SDK2: variants seen among roughly 807,000 people sequenced by gnomAD.
The protein encoded by SDK2 is sidekick cell adhesion molecule 2, also known as protein sidekick-2.
SDK2 carries 105 observed loss-of-function variants against 253.9 expected under a neutral mutation model. The observed-to-expected ratio is 0.41, with a 90% CI of 0.35 to 0.49. SDK2 has a LOEUF of 0.49. Among genes scored for constraint, SDK2 ranks in the 20% least tolerant of loss-of-function variants. SDK2 has a pLI of 0.06. For synonymous variants in SDK2, 1,249 were observed against 1,234.9 expected (o/e 1.01, Z -0.24); for missense variants, 2,608 against 3,003.0 (o/e 0.87, Z 3.07).
chr17:73,625,329 C>A (rs1033182596), intron 1 of SDK2, among the ~76,000 whole-genome samples: 4 of 152,246 alleles, frequency 2.6e-5, no homozygotes, highest in Admixed American at 6.5e-5. Context: ...TCTTCTACCT[C>A]ACCCTTGTCG....
intron 24 of SDK2, among the ~76,000 whole-genome samples, chr17:73,397,617 C>T (rs2062982282): frequency 1.3e-5 from 2 of 152,218 alleles, no homozygotes; most frequent in African/African-American, 2.4e-5. Flanking sequence ...CCTCAACACA[C>T]AGCCCGGATC....
Position 73,352,149 on chromosome 17 carries a change from T to C in SDK2, c.5758+324A>G, listed in dbSNP as rs1169248337. ...GAGGTTTCCATGGAAAGATAGTTTA[T>C]GGCCTGGTGCCCATGAATGTCCTGG... is the stretch of plus-strand genomic sequence containing the variant. On this transcript the variant is annotated intron_variant, in intron 41 of 44. Coordinates refer to ENST00000392650, the MANE Select transcript of SDK2 (RefSeq NM_001144952.2). The surrounding 1 kb of genome is among the most constrained non-coding windows in gnomAD (Gnocchi z 4.1). Among the ~76,000 whole-genome samples the C allele has an allele frequency of 6.6e-6, 1 of 152,126 alleles. No individual in the cohort carries two copies. Among genetic ancestry groups the C allele is most frequent in the Non-Finnish European group, 1.5e-5 (1 of 68,012 alleles).
intron 1 of SDK2, among the ~76,000 whole-genome samples, chr17:73,516,338 C>T (rs948789560): frequency 6.6e-6 from 1 of 152,168 alleles, no homozygotes; most frequent in South Asian, 2.1e-4. Flanking sequence ...TGGCCCTGTT[C>T]GGCCCCTGCC....
chr17:73,453,842 T>TA (rs1243251526), intron 4 of SDK2, among the ~76,000 whole-genome samples: 4 of 152,306 alleles, frequency 2.6e-5, no homozygotes, highest in African/African-American at 4.8e-5. Context: ...AGTCTTAGGA[T>TA]AGAGCCCAAG....
intron 17 of SDK2, among the ~76,000 whole-genome samples, chr17:73,415,566 C>G (rs1055537630): frequency 6.6e-6 from 1 of 151,992 alleles, no homozygotes; most frequent in Non-Finnish European, 1.5e-5. Context: ...AGGTTAGCCT[C>G]AAACTCCTGG....
rs1315156443 is a variant in SDK2, at chr17:73,438,281, A to G, written c.726-127T>C. On this transcript the variant is annotated intron_variant, in intron 6 of 44. Coordinates refer to ENST00000392650, the MANE Select transcript of SDK2 (RefSeq NM_001144952.2). Reference sequence around the variant, plus strand: ...TGCCTGGGTTTGCCACCTTCCTGCCACTTTGTAGATGCAAGATCTTGGGCA... The same window carrying G: ...TGCCTGGGTTTGCCACCTTCCTGCCGCTTTGTAGATGCAAGATCTTGGGCA... 7.6e-6 allele frequency: 6 copies of G among 789,372 alleles called. No individual in the cohort carries two copies. In the Admixed American group the frequency reaches 1.7e-4, roughly 22 times the overall value. 48.9% of individuals were successfully genotyped at this position (789,372 alleles called of 1,614,324 possible). A position where few individuals can be genotyped will look rare whatever the true frequency, so the allele number is the denominator to read the frequency against.
At chr17:73,479,601 TAAC>T (rs1567796650) in intron 2 of SDK2, among the ~76,000 whole-genome samples, 1 of 152,356 alleles carries the variant, frequency 6.6e-6, no homozygotes, top group Admixed American at 6.5e-5. Context: ...ATTAACATAA[TAAC>T]TATTATTATA....
intron 1 of SDK2, among the ~76,000 whole-genome samples, chr17:73,568,919 G>A (rs1297780567): frequency 2.0e-5 from 3 of 152,136 alleles, no homozygotes; most frequent in African/African-American, 7.2e-5. Flanking sequence ...TATTGCCATC[G>A]TCTCCCTAAA....
At chr17:73,343,598 C>T (rs2062458071) in intron 44 of SDK2, among the ~76,000 whole-genome samples, 1 of 152,196 alleles carries the variant, frequency 6.6e-6, no homozygotes, top group African/African-American at 2.4e-5. Context: ...TCCCTGGTCT[C>T]TTAACAGCTC....
At chr17:73,358,602 T>TA (rs1418380702) in intron 39 of SDK2, among the ~76,000 whole-genome samples, 1 of 151,962 alleles carries the variant, frequency 6.6e-6, no homozygotes, top group Non-Finnish European at 1.5e-5. Flanking sequence ...GAAGGCTGTG[T>TA]CCTGGATGGT....
chr17:73,365,971 A>G (rs1481881087), intron 37 of SDK2, among the ~76,000 whole-genome samples: 1 of 152,124 alleles, frequency 6.6e-6, no homozygotes. Flanking sequence ...TTCTCGGACC[A>G]AGAACCCTGT....
intron 15 of SDK2, among the ~76,000 whole-genome samples, chr17:73,420,725 G>C (rs1046519302): frequency 1.3e-5 from 2 of 151,696 alleles, no homozygotes; most frequent in African/African-American, 4.8e-5. Context: ...CCCCAGGCTG[G>C]AGTGCGGTGG....
chr17:73,620,487 CA>C (rs2046120218), intron 1 of SDK2, among the ~76,000 whole-genome samples: 1 of 152,186 alleles, frequency 6.6e-6, no homozygotes, highest in African/African-American at 2.4e-5. Context: ...AAAAGTTAAA[CA>C]TAGAATTACC....
At chr17:73,346,734 T>C (rs2062488020) in intron 44 of SDK2, among the ~76,000 whole-genome samples, 1 of 151,806 alleles carries the variant, frequency 6.6e-6, no homozygotes. Context: ...TTTTGGAGAG[T>C]GGGTTTTGGG....
intron 1 of SDK2, among the ~76,000 whole-genome samples, chr17:73,620,089 T>C (rs2046114138): frequency 6.6e-6 from 1 of 151,482 alleles, no homozygotes; most frequent in Admixed American, 6.6e-5. Flanking sequence ...GTCCCAGCTA[T>C]GTGGGGGGCT....
At chr17:73,507,070 A>G (rs746217409) in intron 2 of SDK2, among the ~76,000 whole-genome samples, 3 of 152,228 alleles carry the variant, frequency 2.0e-5, no homozygotes, top group Non-Finnish European at 4.4e-5. Context: ...GCCCCACAAC[A>G]AGAGTCCCCT....
chr17:73,394,349 A>T, intron 25 of SDK2, 25 bp from the exon 26 acceptor site: 1 of 1,495,870 alleles, frequency 6.7e-7, no homozygotes, highest in Non-Finnish European at 9.1e-7. Flanking sequence ...GAGTGGAGAG[A>T]AGGCACTCAG....
chr17:73,578,211 C>T (rs1004414062), intron 1 of SDK2, among the ~76,000 whole-genome samples: 1 of 152,098 alleles, frequency 6.6e-6, no homozygotes, highest in Admixed American at 6.6e-5. Flanking sequence ...AGGCACACAC[C>T]ACCATACCTG....
At chr17:73,405,115 A>G (rs1397783387) in intron 18 of SDK2, among the ~76,000 whole-genome samples, 6 of 63,048 alleles carry the variant, frequency 9.5e-5, no homozygotes, top group Non-Finnish European at 2.1e-4. Context: ...AAGGTGTAGG[A>G]TGATGTATAT....
Sources: gnomAD v4.1 joint callset for allele counts (sites outside exome capture counted in the v4.1 genomes callset) on GRCh38, gnomAD v4.1.1 for gene constraint, Gnocchi (gnomAD v3.1) non-coding constraint, MANE v1.5 for transcripts, NCBI Gene and HGNC (gene_info 2026-07-23, HGNC 2026-07-21) for gene names.